The following CSMD1 variants were observed in gnomAD, a reference collection of about 807,000 sequenced individuals.
CSMD1 encodes CUB and Sushi multiple domains 1.
In CSMD1, 213 loss-of-function variants were observed where a neutral mutation model predicts 417.5. The observed-to-expected ratio is 0.51, with a 90% CI of 0.46 to 0.57. The LOEUF (loss-of-function observed/expected upper bound fraction) is 0.57. Among genes scored for constraint, CSMD1 ranks in the 20% least tolerant of loss-of-function variants. CSMD1 has a pLI of 0.00. For missense variants in CSMD1, 6,923 were observed against 4,529.7 expected (o/e 1.53, Z -15.17); for synonymous variants, 2,862 against 1,736.8 (o/e 1.65, Z -16.11).
intron 5 of CSMD1, among the ~76,000 whole-genome samples, chr8:3,810,025 C>T (rs190157290): frequency 6.6e-6 from 1 of 152,284 alleles, no homozygotes; most frequent in African/African-American, 2.4e-5. Flanking sequence ...AAATTAATTG[C>T]TGCCATGTCT....
intron 3 of CSMD1, among the ~76,000 whole-genome samples, chr8:4,159,531 C>G (rs931155904): frequency 2.0e-5 from 3 of 152,174 alleles, no homozygotes; most frequent in African/African-American, 4.8e-5. Context: ...GAATACCACT[C>G]AGCCATAAAA....
At chr8:3,514,661 A>T (rs1416112967) in intron 10 of CSMD1, among the ~76,000 whole-genome samples, 1 of 152,006 alleles carries the variant, frequency 6.6e-6, no homozygotes, top group African/African-American at 2.4e-5. Context: ...TACATTTCAA[A>T]TTTTTTTTAT....
intron 2 of CSMD1, among the ~76,000 whole-genome samples, chr8:4,605,246 T>C (rs1475980040): frequency 6.6e-6 from 1 of 151,962 alleles, no homozygotes; most frequent in East Asian, 1.9e-4. Flanking sequence ...AATACTAACG[T>C]TAGACCGATG....
chr8:3,735,019 T>C (rs1009934797), intron 6 of CSMD1, among the ~76,000 whole-genome samples: 2 of 152,224 alleles, frequency 1.3e-5, no homozygotes. Flanking sequence ...GAGGAGGGAA[T>C]GCTGTTTTTG....
At position 4,771,784 on chromosome 8, in the gene CSMD1, A is replaced by G. The variant is rs557652013; in HGVS notation, c.86-134226T>C. Among the ~76,000 whole-genome samples the G allele has an allele frequency of 3.3e-5, 5 of 152,306 alleles. No individual in the cohort carries two copies. The South Asian group carries it at 1.0e-3, about 32-fold the overall frequency. On this transcript the variant is annotated intron_variant, in intron 1 of 69. Coordinates refer to ENST00000635120, the MANE Select transcript of CSMD1 (RefSeq NM_033225.6). Reference sequence around the variant, plus strand: ...TCACAGCGCAAGTTGTTGACTTTCCACATCCCTGATGTTCCCAAAGTTTGT... The same window carrying G: ...TCACAGCGCAAGTTGTTGACTTTCCGCATCCCTGATGTTCCCAAAGTTTGT...
rs375952512 is a variant in CSMD1, at chr8:4,965,094, T to A, written c.85+29238A>T. 7.9e-5 allele frequency among the ~76,000 whole-genome samples: 12 copies of A among 152,298 alleles called. No homozygotes were observed. In the East Asian group the frequency reaches 1.9e-3, roughly 25 times the overall value. On this transcript the variant is annotated intron_variant, in intron 1 of 69. Transcript: ENST00000635120. Reference sequence around the variant, plus strand: ...TCTCAAAATCTCTATTGTAGGCAAATAGCTTATGTAATGTGAATATGCACA... The same window carrying A: ...TCTCAAAATCTCTATTGTAGGCAAAAAGCTTATGTAATGTGAATATGCACA...
intron 8 of CSMD1, among the ~76,000 whole-genome samples, chr8:3,616,028 TACTG>T (rs1802120431): frequency 6.6e-6 from 1 of 152,218 alleles, no homozygotes; most frequent in Non-Finnish European, 1.5e-5. Flanking sequence ...GAATAAACTT[TACTG>T]ACTGATACTA....
chr8:3,174,266 C>T (rs1272424733), intron 37 of CSMD1, among the ~76,000 whole-genome samples: 1 of 152,108 alleles, frequency 6.6e-6, no homozygotes, highest in Non-Finnish European at 1.5e-5. Flanking sequence ...GGCTGAGGTG[C>T]AAAGATGGCT....
intron 5 of CSMD1, among the ~76,000 whole-genome samples, chr8:3,861,809 T>C (rs1412577795): frequency 6.6e-6 from 1 of 152,196 alleles, no homozygotes; most frequent in Non-Finnish European, 1.5e-5. Flanking sequence ...TTTCTAAGTG[T>C]GCCGATTACA....
intron 5 of CSMD1, among the ~76,000 whole-genome samples, chr8:3,945,338 C>T (rs920933817): frequency 6.6e-6 from 1 of 152,048 alleles, no homozygotes; most frequent in Admixed American, 6.6e-5. Context: ...TTACTATGGA[C>T]ATAATGATGT....
rs192127860 is a variant in CSMD1, at chr8:4,479,665, G to A, written c.303-59600C>T. 8.7e-4 allele frequency among the ~76,000 whole-genome samples: 132 copies of A among 152,216 alleles called. 1 individual carries two copies. In the East Asian group the frequency reaches 0.023, roughly 27 times the overall value. On this transcript the variant is annotated intron_variant, in intron 2 of 69. Coordinates refer to ENST00000635120, the MANE Select transcript of CSMD1 (RefSeq NM_033225.6). ...AATCCCAGCACTTTGGGAGATCCAG[G>A]TGGGTAGACCACGAGGTCAGGAGAG...
intron 35 of CSMD1, 125 bp from the exon 36 acceptor site, chr8:3,188,090 A>ATATATATATACATATGTATATGTG (rs1563124889): frequency 1.0e-5 from 3 of 292,376 alleles, no homozygotes; most frequent in African/African-American, 7.1e-5. Flanking sequence ...ATGTATATGT[A>ATATATATATACATATGTATATGTG]TATATATATA....
At chr8:3,259,906 T>G (rs534515981) in intron 26 of CSMD1, among the ~76,000 whole-genome samples, 76 of 152,306 alleles carry the variant, frequency 5.0e-4, no homozygotes, top group African/African-American at 1.8e-3. Flanking sequence ...AACACATCTC[T>G]GACCACTCAT....
At chr8:4,485,788 T>G (rs747250972) in intron 2 of CSMD1, among the ~76,000 whole-genome samples, 41 of 152,092 alleles carry the variant, frequency 2.7e-4, no homozygotes, top group Non-Finnish European at 5.0e-4. Context: ...CTGAAATGCA[T>G]CTGCTACTGA....
intron 5 of CSMD1, among the ~76,000 whole-genome samples, chr8:3,834,523 T>C (rs1205777595): frequency 1.3e-5 from 2 of 152,194 alleles, no homozygotes; most frequent in Non-Finnish European, 2.9e-5. Context: ...GGGTAGAAGC[T>C]GCACTGTGCG....
At chr8:4,578,971 A>AAC (rs1799278678) in intron 2 of CSMD1, among the ~76,000 whole-genome samples, 1 of 152,058 alleles carries the variant, frequency 6.6e-6, no homozygotes, top group Non-Finnish European at 1.5e-5. Context: ...AACCTTTTTA[A>AAC]ACAGCATCTT....
intron 18 of CSMD1, among the ~76,000 whole-genome samples, chr8:3,375,643 G>A (rs547518017): frequency 3.9e-4 from 60 of 152,194 alleles, no homozygotes; most frequent in African/African-American, 1.4e-3. Context: ...GAAACCCCCA[G>A]TAGGAAGGAG....
chr8:4,236,043 T>TG, intron 3 of CSMD1, among the ~76,000 whole-genome samples: 1 of 34,746 alleles, frequency 2.9e-5, no homozygotes, highest in African/African-American at 7.0e-5. Context: ...TTGTTTGTTT[T>TG]TTTTTTTTTT....
chr8:3,923,815 G>A (rs11776171), intron 5 of CSMD1, among the ~76,000 whole-genome samples: 39,008 of 151,968 alleles, frequency 0.26, 5,464 homozygotes, highest in East Asian at 0.42. Flanking sequence ...TACTCCCTGC[G>A]TCTGAGTTTC....
Sources: allele counts gnomAD v4.1 joint callset (sites outside exome capture counted in the v4.1 genomes callset), GRCh38; gene constraint gnomAD v4.1.1; transcripts MANE v1.5; gene names NCBI Gene and HGNC (gene_info 2026-07-23, HGNC 2026-07-21).